BTBD8: variants seen among roughly 807,000 people sequenced by gnomAD.
The protein encoded by BTBD8 is BTB domain containing 8.
BTBD8 carries 110 observed loss-of-function variants against 162.9 expected under a neutral mutation model. That is an observed-to-expected ratio of 0.68 (90% CI 0.58 to 0.79). BTBD8 has a LOEUF of 0.79. BTBD8 is among the 30% of genes least tolerant of loss of function. The pLI, the probability that BTBD8 is intolerant of heterozygous loss-of-function variation, is 0.00. For synonymous variants in BTBD8, 667 were observed against 716.1 expected, an observed-to-expected ratio of 0.93 and a Z score of 1.10; for missense variants, 1,905 against 2,085.4, an observed-to-expected ratio of 0.91 and a Z score of 1.68.
At chr1:92,093,496 T>TA (rs1033680887) in intron 2 of BTBD8, among the ~76,000 whole-genome samples, 2 of 152,272 alleles carry the variant, frequency 1.3e-5, no homozygotes, top group African/African-American at 4.8e-5. Context: ...CCAGCCGAAA[T>TA]ACCAATTTTA....
At chr1:92,146,157 A>G (rs1206117319) in intron 7 of BTBD8, among the ~76,000 whole-genome samples, 2 of 152,186 alleles carry the variant, frequency 1.3e-5, no homozygotes, top group Non-Finnish European at 2.9e-5. Context: ...CTTTTGCTTT[A>G]AAAAAGATAT....
At position 92,145,620 on chromosome 1, in the gene BTBD8, G is replaced by T. The variant is rs12028213; in HGVS notation, c.931-1560G>T. ...GGATATGTAACAAGAGAAGTGAGTTGTTTTCACTACTTGTATCTACCTTTT... is the reference window on the plus strand; with the variant it reads ...GGATATGTAACAAGAGAAGTGAGTTTTTTTCACTACTTGTATCTACCTTTT... On this transcript the variant is annotated intron_variant, in intron 7 of 17. Coordinates refer to ENST00000636805, the MANE Select transcript of BTBD8 (RefSeq NM_001376131.1). 8.0e-4 allele frequency among the ~76,000 whole-genome samples: 122 copies of T among 152,298 alleles called. No homozygotes were observed. The East Asian group carries it at 0.023, about 28-fold the overall frequency.
chr1:92,138,713 G>T (rs533177093), intron 5 of BTBD8, among the ~76,000 whole-genome samples: 99 of 152,302 alleles, frequency 6.5e-4, no homozygotes, highest in African/African-American at 2.2e-3. Flanking sequence ...GATGCAAGAC[G>T]CTATGTAGCA....
At chr1:92,081,267 T>C (rs1648006176) in intron 1 of BTBD8, among the ~76,000 whole-genome samples, 1 of 152,170 alleles carries the variant, frequency 6.6e-6, no homozygotes, top group Non-Finnish European at 1.5e-5. Context: ...AACTCTCAGC[T>C]CCTGTGAGGA....
At position 92,167,886 on chromosome 1, in the gene BTBD8, A is replaced by C; in HGVS notation, c.1344A>C (p.Thr448=). ...GCAGCACAGCCGATCTGTTGGACAC[A>C]ATTTTAAAAGCAATTGAAGAAAATA... ...AMSSTADLLD[T]ILKAIEENIT... Residue 448 remains threonine (T), a synonymous_variant, in exon 11 of 18, where the codon ACA becomes ACC. Coordinates refer to ENST00000636805, the MANE Select transcript of BTBD8 (RefSeq NM_001376131.1). 1 of 1,551,180 alleles carries C rather than the reference A, an allele frequency of 6.4e-7. No homozygotes were observed. The highest frequency in any genetic ancestry group is 1.2e-5 in the South Asian group (1 of 83,986).
chr1:92,110,365 A>G (rs1648855449), intron 4 of BTBD8, among the ~76,000 whole-genome samples: 1 of 152,244 alleles, frequency 6.6e-6, no homozygotes, highest in South Asian at 2.1e-4. Context: ...CATCCTTATC[A>G]GAGATGGGGA....
At chr1:92,164,988 G>A (rs1650353848) in intron 9 of BTBD8, among the ~76,000 whole-genome samples, 1 of 151,780 alleles carries the variant, frequency 6.6e-6, no homozygotes, top group African/African-American at 2.4e-5. Flanking sequence ...GGGTGTGGTA[G>A]CATGCACCTG....
chr1:92,177,004 A>C lies in BTBD8; in HGVS notation c.1811A>C (p.Gln604Pro). ...NRNSINKTLK[Q>P]DDVKEKDGTK... ...AATAGTATAAATAAAACTCTGAAGC[A>C]AGATGATGTAAAGGAAAAAGATGGT... The change falls in exon 14 of 18, where the codon CAA becomes CCA. Residue 604 changes from glutamine to proline, a missense_variant. Gln to Pro is a moderately conservative substitution (Grantham distance 76). This residue lies in a region of BTBD8 where 1,374 missense variants were observed against 1,442.7 expected (regional missense o/e 0.95). Transcript: ENST00000636805. The C allele has an allele frequency of 6.5e-7, 1 of 1,548,060 alleles. No individual in the cohort carries two copies. Among genetic ancestry groups the C allele is most frequent in the Non-Finnish European group, 8.7e-7 (1 of 1,145,700 alleles).
rs145240322 is a variant in BTBD8 at position 92,176,431 on chromosome 1, G to T, written c.1636-398G>T. Among the ~76,000 whole-genome samples, 264 of 152,180 alleles carry T rather than the reference G, an allele frequency of 1.7e-3. 3 individuals are homozygous for T. The highest frequency in any genetic ancestry group is 5.8e-3 in the African/African-American group (242 of 41,508). On this transcript the variant is annotated intron_variant, in intron 13 of 17. Transcript: ENST00000636805. Reference sequence around the variant, plus strand: ...ATGGGACTGTTGTGAGGATTAAGTGGGATGATGTATACAAAAGATGTAGTA... The same window carrying T: ...ATGGGACTGTTGTGAGGATTAAGTGTGATGATGTATACAAAAGATGTAGTA...
intron 1 of BTBD8, among the ~76,000 whole-genome samples, chr1:92,084,471 C>A (rs944453282): frequency 6.6e-6 from 1 of 152,160 alleles, no homozygotes; most frequent in African/African-American, 2.4e-5. Flanking sequence ...GGAACACAGG[C>A]TGTAAAGGGG....
chr1:92,085,593 A>G (rs1258976367), intron 1 of BTBD8, among the ~76,000 whole-genome samples: 1 of 151,948 alleles, frequency 6.6e-6, no homozygotes, highest in Non-Finnish European at 1.5e-5. Context: ...CCTAGGAGGT[A>G]GAGGTGCACA....
chr1:92,148,933 C>G (rs1340261260), intron 9 of BTBD8, among the ~76,000 whole-genome samples: 1 of 152,168 alleles, frequency 6.6e-6, no homozygotes, highest in East Asian at 1.9e-4. Context: ...CTCCCAGGCT[C>G]TATGAGTAAA....
chr1:92,126,570 A>G lies in BTBD8; in HGVS notation c.663-3117A>G, dbSNP rs532399649. 1.4e-5 allele frequency: 6 copies of G among 436,906 alleles called. No individual in the cohort carries two copies. The East Asian group carries it at 3.5e-4, about 26-fold the overall frequency. 27.1% of individuals were successfully genotyped at this position (436,906 alleles called of 1,614,324 possible). ...AGTGCCAAATGGACACTGGCATCACAGCTTCTTGTCTGTTTATATATTAAA... is the reference window on the plus strand; with the variant it reads ...AGTGCCAAATGGACACTGGCATCACGGCTTCTTGTCTGTTTATATATTAAA... On this transcript the variant is annotated intron_variant, in intron 4 of 17. Coordinates refer to ENST00000636805, the MANE Select transcript of BTBD8 (RefSeq NM_001376131.1).
chr1:92,091,105 C>T (rs1013721844), intron 2 of BTBD8, among the ~76,000 whole-genome samples: 1 of 152,082 alleles, frequency 6.6e-6, no homozygotes, highest in African/African-American at 2.4e-5. Flanking sequence ...TTGTGATCCC[C>T]AGTGTTGGAG....
chr1:92,166,505 A>G (rs1570753320), intron 9 of BTBD8, among the ~76,000 whole-genome samples: 1 of 148,574 alleles, frequency 6.7e-6, no homozygotes, highest in Non-Finnish European at 1.5e-5. Flanking sequence ...GCTCACTGCA[A>G]CCTCCGCCTC....
chr1:92,126,378 C>A, intron 4 of BTBD8: 1 of 679,086 alleles, frequency 1.5e-6, no homozygotes, highest in Non-Finnish European at 2.6e-6. Context: ...TAAGCTGGAC[C>A]AGCCTAGATT....
At position 92,176,884 on chromosome 1, in the gene BTBD8, A is replaced by G. The variant is rs531439774; in HGVS notation, c.1691A>G (p.Asn564Ser). Reference sequence around the variant, plus strand: ...ATAAAAATCAAATCTTGGAGGGGAAATAACAAGAAAGAGTGTTGGAGTTAT... The same window carrying G: ...ATAAAAATCAAATCTTGGAGGGGAAGTAACAAGAAAGAGTGTTGGAGTTAT... The part of the protein sequence containing the change: ...GDIKIKSWRG[N>S]NKKECWSYLS... Residue 564 changes from asparagine (N) to serine (S), a missense_variant, in exon 14 of 18, where the codon AAT (asparagine) becomes AGT (serine). Physicochemically the swap from Asn to Ser is conservative, Grantham distance 46. Around this residue, in one of 3 missense-constraint regions of BTBD8, gnomAD observed 1,374 missense variants for 1,442.7 expected, o/e 0.95. Transcript: ENST00000636805. 4.0e-6 allele frequency: 6 copies of G among 1,491,868 alleles called. No homozygotes were observed. In the South Asian group the frequency reaches 5.5e-5, roughly 14 times the overall value. 92.4% of individuals were successfully genotyped at this position (1,491,868 alleles called of 1,614,324 possible).
chr1:92,125,859 C>A, intron 4 of BTBD8: 1 of 412,332 alleles, frequency 2.4e-6, no homozygotes, highest in South Asian at 2.2e-5. Flanking sequence ...GGTGATTGAG[C>A]AAGGAGAGAG....
At chr1:92,166,350 A>G (rs1650384825) in intron 9 of BTBD8, among the ~76,000 whole-genome samples, 1 of 151,884 alleles carries the variant, frequency 6.6e-6, no homozygotes, top group Non-Finnish European at 1.5e-5. Context: ...TGATAATCTT[A>G]GGGAACTCAA....
Sources: allele counts gnomAD v4.1 joint callset (sites outside exome capture counted in the v4.1 genomes callset), GRCh38; gene constraint gnomAD v4.1.1; regional missense constraint gnomAD v4.1.1; transcripts MANE v1.5; gene names NCBI Gene and HGNC (gene_info 2026-07-23, HGNC 2026-07-21).